The following XPO4 variants were observed in gnomAD, a reference collection of about 807,000 sequenced individuals.
XPO4 encodes the protein exportin-4.
A neutral mutation model predicts 143.0 loss-of-function variants in XPO4; 39 were observed. The observed-to-expected ratio is 0.27, with a 90% confidence interval of 0.21 to 0.36. The LOEUF is 0.36. Among genes scored for constraint, XPO4 ranks in the 10% least tolerant of loss-of-function variants. XPO4 has a pLI of 1.00. For missense variants in XPO4, 907 were observed against 1,348.0 expected (o/e 0.67, Z 5.12); for synonymous variants, 439 against 474.0 (o/e 0.93, Z 0.96).
intron 19 of XPO4, among the ~76,000 whole-genome samples, chr13:20,789,699 C>T (rs1367348180): frequency 3.3e-5 from 5 of 151,998 alleles, no homozygotes; most frequent in African/African-American, 9.7e-5. Context: ...TGAGCCACTG[C>T]GCCCGGCCCA....
At chr13:20,863,002 G>A in intron 2 of XPO4, 144 bp from the exon 3 acceptor site, 2 of 1,446,846 alleles carry the variant, frequency 1.4e-6, no homozygotes, top group Non-Finnish European at 1.8e-6. Context: ...CCTTGCTCTA[G>A]CACCACAAAG....
chr13:20,825,401 A>G (rs1252999813), intron 7 of XPO4, among the ~76,000 whole-genome samples: 2 of 152,254 alleles, frequency 1.3e-5, no homozygotes, highest in East Asian at 1.9e-4. Context: ...CCAAAGTTAA[A>G]TAAAAAGATT....
At chr13:20,832,374 G>A (rs746928816) in intron 6 of XPO4, among the ~76,000 whole-genome samples, 8 of 152,184 alleles carry the variant, frequency 5.3e-5, no homozygotes, top group Non-Finnish European at 1.2e-4. Context: ...TAAGGGTATC[G>A]TTTTGTGATT....
rs1463581103 is a variant in XPO4, at chr13:20,787,072, G to A, written c.3166-15C>T. 17 of 1,553,188 alleles carry A rather than the reference G, an allele frequency of 1.1e-5. No individual in the cohort carries two copies. Among genetic ancestry groups the A allele is most frequent in the Admixed American group, 1.9e-5 (1 of 51,510 alleles). Reference sequence around the variant, plus strand: ...TCAAAAACCAGCTGAAATTACATAAGACTTCTAAATAAAAACATAGGATGA... The same window carrying A: ...TCAAAAACCAGCTGAAATTACATAAAACTTCTAAATAAAAACATAGGATGA... On this transcript the variant is annotated splice_polypyrimidine_tract_variant and intron_variant, in intron 21 of 22. Coordinates refer to ENST00000255305, the MANE Select transcript of XPO4 (RefSeq NM_022459.5).
At chr13:20,852,658 G>A in intron 4 of XPO4, 1 of 970,436 alleles carries the variant, frequency 1.0e-6, no homozygotes, top group Non-Finnish European at 1.2e-6. Flanking sequence ...TAATGATTAT[G>A]AATATTTATG....
intron 13 of XPO4, among the ~76,000 whole-genome samples, chr13:20,806,366 T>G (rs1347741855): frequency 6.6e-6 from 1 of 152,106 alleles, no homozygotes; most frequent in Admixed American, 6.6e-5. Context: ...TCCATATATT[T>G]TTGCATACTA....
chr13:20,852,802 T>A (rs1029009310), intron 4 of XPO4: 42 of 984,980 alleles, frequency 4.3e-5, no homozygotes, highest in Admixed American at 6.2e-5. Flanking sequence ...TCACTTTTTT[T>A]ATGTAGATAT....
chr13:20,898,251 A>G (rs1485331285), intron 1 of XPO4, among the ~76,000 whole-genome samples: 4 of 152,202 alleles, frequency 2.6e-5, no homozygotes, highest in Non-Finnish European at 4.4e-5. Flanking sequence ...TACACTCACT[A>G]AATCCATCCT....
At chr13:20,818,178 A>G (rs73167444) in intron 9 of XPO4, among the ~76,000 whole-genome samples, 29 of 152,330 alleles carry the variant, frequency 1.9e-4, no homozygotes, top group Middle Eastern at 3.4e-3. Flanking sequence ...TTCTGGGTAT[A>G]ATGAAAAAAT....
chr13:20,787,458 G>C lies in XPO4; in HGVS notation c.3165+23C>G, dbSNP rs371494516. On this transcript the variant is annotated intron_variant, in intron 21 of 22. Transcript: ENST00000255305. ...CACTTTTGAAAGTAGCTGATTTTCT[G>C]ACCTACCGCACAGACATCTTACCTT... 6.2e-6 allele frequency: 10 copies of C among 1,601,056 alleles called. No individual in the cohort carries two copies. In the African/African-American group the frequency reaches 1.1e-4, roughly 17 times the overall value.
intron 1 of XPO4, among the ~76,000 whole-genome samples, chr13:20,887,592 T>C (rs1012934444): frequency 3.9e-5 from 6 of 152,190 alleles, no homozygotes; most frequent in African/African-American, 1.4e-4. Flanking sequence ...CTGTGGCTCA[T>C]GCCTGTAATC....
chr13:20,871,707 T>C (rs1240306044), intron 1 of XPO4, among the ~76,000 whole-genome samples: 1 of 152,156 alleles, frequency 6.6e-6, no homozygotes, highest in African/African-American at 2.4e-5. Context: ...GCACAACATA[T>C]CCATAATTGT....
intron 4 of XPO4, chr13:20,848,344 C>T: frequency 1.0e-6 from 1 of 985,330 alleles, no homozygotes; most frequent in Non-Finnish European, 1.2e-6. Flanking sequence ...CCAAGATTTC[C>T]TTCTTCAAAT....
chr13:20,881,606 CT>C (rs1566624446), intron 1 of XPO4, among the ~76,000 whole-genome samples: 1 of 151,910 alleles, frequency 6.6e-6, no homozygotes, highest in East Asian at 1.9e-4. Flanking sequence ...CACAAGAAAA[CT>C]TTTATGAGCA....
chr13:20,871,508 T>C (rs771500873), intron 1 of XPO4, among the ~76,000 whole-genome samples: 28 of 152,074 alleles, frequency 1.8e-4, no homozygotes, highest in South Asian at 1.5e-3. Context: ...TTGTAGAGGG[T>C]AGACACCATG....
chr13:20,888,626 C>T (rs1300978133), intron 1 of XPO4, among the ~76,000 whole-genome samples: 2 of 151,930 alleles, frequency 1.3e-5, no homozygotes, highest in Non-Finnish European at 2.9e-5. Flanking sequence ...CAAAGTGCTG[C>T]GATTACAAGC....
intron 2 of XPO4, among the ~76,000 whole-genome samples, chr13:20,868,165 G>A (rs1353082675): frequency 2.1e-5 from 3 of 145,858 alleles, no homozygotes; most frequent in African/African-American, 7.5e-5. Flanking sequence ...CAAACTAAAT[G>A]GTTAAAAAAA....
intron 1 of XPO4, among the ~76,000 whole-genome samples, chr13:20,887,985 G>C (rs2060476422): frequency 6.6e-6 from 1 of 151,940 alleles, no homozygotes; most frequent in South Asian, 2.1e-4. Flanking sequence ...GACCAGTCTG[G>C]CCAACATGGC....
At chr13:20,846,991 G>A (rs972129924) in intron 4 of XPO4, among the ~76,000 whole-genome samples, 1 of 152,046 alleles carries the variant, frequency 6.6e-6, no homozygotes, top group Non-Finnish European at 1.5e-5. Flanking sequence ...CTGTACCTAC[G>A]ATTATCAGCT....
Sources: gnomAD v4.1 joint callset for allele counts (sites outside exome capture counted in the v4.1 genomes callset) on GRCh38, gnomAD v4.1.1 for gene constraint, MANE v1.5 for transcripts, NCBI Gene and HGNC (gene_info 2026-07-23, HGNC 2026-07-21) for gene names.